The following MXD1 variants were observed in gnomAD, a reference collection of about 807,000 sequenced individuals.
The protein encoded by MXD1 is MAX dimerization protein 1, also known as MAX-binding protein.
Under a neutral mutation model 25.7 loss-of-function variants are expected in MXD1, and 9 were observed. The observed-to-expected ratio is 0.35, with a 90% confidence interval of 0.21 to 0.61. MXD1 has a LOEUF of 0.61. MXD1 is among the 20% of genes least tolerant of loss of function. The pLI is 0.75. For missense variants in MXD1, 227 were observed against 292.4 expected, an observed-to-expected ratio of 0.78 and a Z score of 1.63; for synonymous variants, 99 against 113.9, an observed-to-expected ratio of 0.87 and a Z score of 0.83.
chr2:69,937,226 G>A lies in MXD1; in HGVS notation c.319-9G>A. The A allele has an allele frequency of 6.2e-7, 1 of 1,612,702 alleles. No individual in the cohort carries two copies. The highest frequency in any genetic ancestry group is 8.5e-7 in the Non-Finnish European group (1 of 1,179,004). The stretch of plus-strand genomic sequence containing the variant: ...TGTGGGGCCCAACAACTACCCCTTT[G>A]ACTTGCAGAAACTTGAAGATTGTGA... On this transcript the variant is annotated splice_polypyrimidine_tract_variant and intron_variant, in intron 4 of 5. Transcript: ENST00000264444.
intron 3 of MXD1, among the ~76,000 whole-genome samples, chr2:69,929,988 C>T (rs1573406420): frequency 6.6e-6 from 1 of 152,180 alleles, no homozygotes; most frequent in African/African-American, 2.4e-5. Flanking sequence ...TTGGCAGTGT[C>T]ACACACATCT....
rs1192138154 is a variant in MXD1, at chr2:69,921,628, C to T, written c.174-108C>T. On this transcript the variant is annotated intron_variant, in intron 2 of 5. Transcript: ENST00000264444. ...AGTGAATTTTTCTGCCTTTCTACATCTCTCCTATCAACTTTGGAGAGAAAG... is the reference window on the plus strand; with the variant it reads ...AGTGAATTTTTCTGCCTTTCTACATTTCTCCTATCAACTTTGGAGAGAAAG... 6 of 976,350 alleles carry T rather than the reference C, an allele frequency of 6.1e-6. No homozygotes were observed. In the East Asian group the frequency reaches 1.8e-4, roughly 30 times the overall value. The allele number at this position is 976,350 out of a possible 1,614,324, so 60.5% of individuals were successfully genotyped here.
chr2:69,919,983 AGTTTTGTTTTGTTTTGTTTTGTTTT>A (rs71993271), intron 2 of MXD1, among the ~76,000 whole-genome samples: 6 of 150,498 alleles, frequency 4.0e-5, no homozygotes, highest in Admixed American at 3.3e-4. Context: ...ACCATTTTAA[AGTTTTGTTTTGTTTTGTTTTGTTTT>A]GTTTTGTTTT....
intron 2 of MXD1, among the ~76,000 whole-genome samples, chr2:69,919,376 G>A (rs542209664): frequency 6.6e-5 from 10 of 151,838 alleles, no homozygotes; most frequent in African/African-American, 1.5e-4. Context: ...AGACAGTCTC[G>A]CTCTGTTGCC....
Position 69,935,418 on chromosome 2 carries a change from C to T in MXD1, c.271C>T (p.Arg91Ter), listed in dbSNP as rs762511553. Reference sequence around the variant, plus strand: ...GGTGCCACTTGGACCCGAATCAAGTCGACACACTACGTTGAGTTTATTAAC... The same window carrying T: ...GGTGCCACTTGGACCCGAATCAAGTTGACACACTACGTTGAGTTTATTAAC... ...GLVPLGPESS[R>*]HTTLSLLTKA... The change falls in exon 4 of 6, where the codon CGA becomes TGA. Residue 91 changes from arginine (R) to a stop codon, truncating the protein, a stop_gained. Transcript: ENST00000264444. LOFTEE classifies it high-confidence loss of function. The T allele has an allele frequency of 6.2e-7, 1 of 1,613,850 alleles. No individual in the cohort carries two copies. The highest frequency in any genetic ancestry group is 8.5e-7 in the Non-Finnish European group (1 of 1,179,960).
chr2:69,935,226 G>C, intron 3 of MXD1, 125 bp from the exon 4 acceptor site: 1 of 680,104 alleles, frequency 1.5e-6, no homozygotes. Context: ...TCAGCAAAAG[G>C]TCATTGGTAG....
At position 69,937,223 on chromosome 2, in the gene MXD1, T is replaced by C; in HGVS notation, c.319-12T>C. The C allele has an allele frequency of 6.2e-7, 1 of 1,612,470 alleles. No homozygotes were observed. The highest frequency in any genetic ancestry group is 8.5e-7 in the Non-Finnish European group (1 of 1,178,816). On this transcript the variant is annotated splice_polypyrimidine_tract_variant and intron_variant, in intron 4 of 5. Transcript: ENST00000264444. ...CCCTGTGGGGCCCAACAACTACCCC[T>C]TTGACTTGCAGAAACTTGAAGATTG...
At chr2:69,919,472 G>A (rs775089843) in intron 2 of MXD1, among the ~76,000 whole-genome samples, 1 of 150,932 alleles carries the variant, frequency 6.6e-6, no homozygotes, top group Non-Finnish European at 1.5e-5. Context: ...AGCCTCCCGA[G>A]TAGCTGGGAT....
rs1223057957 is a variant in MXD1 at position 69,915,673 on chromosome 2, C to T, written c.73+270C>T. On this transcript the variant is annotated intron_variant, in intron 1 of 5. Coordinates refer to ENST00000264444, the MANE Select transcript of MXD1 (RefSeq NM_002357.4). This position sits in a 1 kb window ranked among gnomAD's most constrained non-coding sequence, Gnocchi z 5.8. ...TTCACGAGTGGGTGGCCGGGGCCCC[C>T]TCCGATAGCCTCCCTGGTTTACCTC... 6.6e-6 allele frequency among the ~76,000 whole-genome samples: 1 copy of T among 152,236 alleles called. No homozygotes were observed. The highest frequency in any genetic ancestry group is 1.5e-5 in the Non-Finnish European group (1 of 68,036).
chr2:69,926,176 T>C (rs1019740956), intron 3 of MXD1, among the ~76,000 whole-genome samples: 2 of 152,132 alleles, frequency 1.3e-5, no homozygotes. Flanking sequence ...AACTGTCCAG[T>C]TTATCATTTA....
At chr2:69,919,049 T>G (rs1053828349) in intron 2 of MXD1, among the ~76,000 whole-genome samples, 1 of 152,224 alleles carries the variant, frequency 6.6e-6, no homozygotes, top group Non-Finnish European at 1.5e-5. Context: ...AAATAAAATC[T>G]GTAGTTTTAA....
chr2:69,927,584 G>A (rs1243557026), intron 3 of MXD1, among the ~76,000 whole-genome samples: 1 of 152,150 alleles, frequency 6.6e-6, no homozygotes, highest in Non-Finnish European at 1.5e-5. Context: ...GGACCCTGGG[G>A]CTATTCCCTT....
intron 5 of MXD1, 45 bp from the exon 6 acceptor site, chr2:69,938,052 G>T (rs1433310271): frequency 6.3e-7 from 1 of 1,585,964 alleles, no homozygotes; most frequent in Non-Finnish European, 8.6e-7. Context: ...TGAGCTTTCT[G>T]CAGAGCGCTT....
In MXD1 at chr2:69,937,410, T is replaced by C. The variant is rs564261268; in HGVS notation, c.478+16T>C. 1.0e-5 allele frequency: 16 copies of C among 1,586,970 alleles called. No homozygotes were observed. In the South Asian group the frequency reaches 1.7e-4, roughly 17 times the overall value. On this transcript the variant is annotated intron_variant, in intron 5 of 5. Coordinates refer to ENST00000264444, the MANE Select transcript of MXD1 (RefSeq NM_002357.4). Reference sequence around the variant, plus strand: ...TCCGACAGGGGTGAGCCTCTCTCACTCTCCTCCCTGTCTCCCTTGTGCTCC... The same window carrying C: ...TCCGACAGGGGTGAGCCTCTCTCACCCTCCTCCCTGTCTCCCTTGTGCTCC...
chr2:69,932,042 C>T (rs958165391), intron 3 of MXD1, among the ~76,000 whole-genome samples: 5 of 152,152 alleles, frequency 3.3e-5, no homozygotes, highest in African/African-American at 1.2e-4. Context: ...GGCAAAACCC[C>T]TGCTAGTTCC....
chr2:69,937,755 C>A (rs1421646776), intron 5 of MXD1, among the ~76,000 whole-genome samples: 1 of 152,208 alleles, frequency 6.6e-6, no homozygotes, highest in Non-Finnish European at 1.5e-5. Context: ...GCTGGGATTA[C>A]AGGCACACAC....
At chr2:69,934,251 T>C (rs1677368299) in intron 3 of MXD1, among the ~76,000 whole-genome samples, 1 of 152,204 alleles carries the variant, frequency 6.6e-6, no homozygotes, top group African/African-American at 2.4e-5. Context: ...GAGGAATCAC[T>C]GTGAGCTAGG....
chr2:69,930,614 A>G (rs1380406356), intron 3 of MXD1, among the ~76,000 whole-genome samples: 2 of 152,202 alleles, frequency 1.3e-5, no homozygotes, highest in Admixed American at 1.3e-4. Flanking sequence ...TCCATTAATT[A>G]TTTTAATGAC....
intron 2 of MXD1, among the ~76,000 whole-genome samples, chr2:69,916,895 C>T (rs972427031): frequency 1.1e-4 from 17 of 152,330 alleles, no homozygotes; most frequent in Admixed American, 1.1e-3. Flanking sequence ...AGATTTGGTT[C>T]ATGGTCAGTT....
Sources: gnomAD v4.1 joint callset for allele counts (sites outside exome capture counted in the v4.1 genomes callset) on GRCh38, gnomAD v4.1.1 for gene constraint, Gnocchi (gnomAD v3.1) non-coding constraint, MANE v1.5 for transcripts, NCBI Gene and HGNC (gene_info 2026-07-23, HGNC 2026-07-21) for gene names.